The following FHL1 variants were observed in gnomAD, a reference collection of about 807,000 sequenced individuals.
FHL1 encodes the protein four and a half LIM domains protein 1.
FHL1 carries 1 observed loss-of-function variant against 20.3 expected under a neutral mutation model. The observed-to-expected ratio is 0.05, with a 90% confidence interval of 0.02 to 0.23. The LOEUF (loss-of-function observed/expected upper bound fraction) is 0.23. Ranked by LOEUF, FHL1 falls within the 10% of genes least tolerant of loss-of-function variation. FHL1 has a pLI of 1.00. For synonymous variants in FHL1, 82 were observed against 88.9 expected (o/e 0.92, Z 0.44); for missense variants, 177 against 234.0 (o/e 0.76, Z 1.59).
At chrX:136,208,755 C>A (rs1216478131) in intron 5 of FHL1, 114 bp downstream of exon 5, 10 of 759,008 alleles carry the variant, frequency 1.3e-5, no homozygotes, top group Admixed American at 4.6e-5. Flanking sequence ...ATGCCCTTCT[C>A]CCCCTGCTAT....
In FHL1 at chrX:136,207,080, C is replaced by G. The variant is rs1316132670; in HGVS notation, c.269C>G (p.Pro90Arg). Reference protein sequence around the residue: ...TCFRCAKCLHPLANETFVAKD... With the variant: ...TCFRCAKCLHRLANETFVAKD... The stretch of plus-strand genomic sequence containing the variant: ...TTCCGCTGTGCCAAGTGCCTTCACC[C>G]CTTGGCCAATGAGACCTTTGTGGCC... The change falls in exon 3 of 6, where the codon CCC becomes CGC. Residue 90 changes from proline to arginine, a missense_variant. Transcript: ENST00000370683. 8 of 1,211,704 alleles carry G rather than the reference C, an allele frequency of 6.6e-6. No homozygotes were observed. Among genetic ancestry groups the G allele is most frequent in the Non-Finnish European group, 8.9e-6 (8 of 895,400 alleles).
intron 4 of FHL1, 77 bp from the exon 5 acceptor site, chrX:136,208,378 C>G (rs774122033): frequency 1.6e-4 from 175 of 1,077,208 alleles, no homozygotes; most frequent in Non-Finnish European, 2.0e-4. Context: ...AAGCGCCCAG[C>G]ACAGTGCCTG....
intron 1 of FHL1, among the ~76,000 whole-genome samples, chrX:136,205,368 ATTTT>A (rs1490554554): frequency 3.6e-5 from 4 of 111,590 alleles, no homozygotes; most frequent in Non-Finnish European, 7.5e-5. Flanking sequence ...TCCAGACTCT[ATTTT>A]AAGATTATAA....
At chrX:136,171,701 C>T (rs764067461) in intron 2 of FHL1, among the ~76,000 whole-genome samples, 8 of 111,612 alleles carry the variant, frequency 7.2e-5, no homozygotes, top group African/African-American at 2.3e-4. Context: ...ACATTTAAAT[C>T]GAAGTTTTTC....
At chrX:136,161,788 G>A (rs746343446) in intron 1 of FHL1, among the ~76,000 whole-genome samples, 9 of 111,851 alleles carry the variant, frequency 8.0e-5, no homozygotes, top group Non-Finnish European at 1.5e-4. Flanking sequence ...AAGGCACTTG[G>A]CTAGGTTTGC....
At chrX:136,157,039 G>A (rs779660354) in intron 1 of FHL1, among the ~76,000 whole-genome samples, 26 of 110,042 alleles carry the variant, frequency 2.4e-4, no homozygotes, top group African/African-American at 6.9e-4. Context: ...GCAAATTATC[G>A]GTCCAAAAAT....
chrX:136,147,572 G>C (rs1387868937), exon 1 of FHL1: 1 of 109,041 alleles, frequency 9.2e-6, no homozygotes, highest in Non-Finnish European at 1.9e-5. Flanking sequence ...CCTCGGCCTC[G>C]GTGCAGGCAG....
chrX:136,183,112 AAAAC>A (rs1157402537), intron 2 of FHL1, among the ~76,000 whole-genome samples: 2 of 97,954 alleles, frequency 2.0e-5, no homozygotes, highest in East Asian at 6.0e-4. Flanking sequence ...AAAAAAACAA[AAAAC>A]AAACAAACAA....
At chrX:136,165,985 G>C (rs2072698359), upstream of FHL1, among the ~76,000 whole-genome samples, 1 of 112,125 alleles carries the variant, frequency 8.9e-6, no homozygotes, top group African/African-American at 3.2e-5. Context: ...TAAAGTGTTT[G>C]AGCTTTATTT....
chrX:136,157,961 A>T (rs1157929111), intron 1 of FHL1, among the ~76,000 whole-genome samples: 1 of 112,094 alleles, frequency 8.9e-6, no homozygotes, highest in Non-Finnish European at 1.9e-5. Flanking sequence ...GAGGTGTTAA[A>T]TCCCTCAAGA....
At position 136,206,605 on chromosome X, in the gene FHL1, T is replaced by C. The variant is rs1213672831; in HGVS notation, c.204+17T>C. 3.3e-6 allele frequency: 4 copies of C among 1,211,845 alleles called. No homozygotes were observed. In the Admixed American group the frequency reaches 6.5e-5, roughly 20 times the overall value. ...GACTCCAAGGTAACGGGCATCCCCA[T>C]GTGCCAATGGGAAGGGCTGGGTTTT... On this transcript the variant is annotated intron_variant, in intron 2 of 5. Coordinates refer to ENST00000370683, the MANE Select transcript of FHL1 (RefSeq NM_001159699.2).
chrX:136,152,719 C>CAAA (rs768022110), intron 1 of FHL1, among the ~76,000 whole-genome samples: 35 of 52,467 alleles, frequency 6.7e-4, no homozygotes, highest in Non-Finnish European at 7.6e-4. Context: ...GACTCCATCT[C>CAAA]AAAAAAAAAA....
rs2074004993 is a variant in FHL1, at chrX:136,211,206, A to G, written c.*1181A>G. 1 of 361,794 alleles carries G rather than the reference A, an allele frequency of 2.8e-6. No homozygotes were observed. Among genetic ancestry groups the G allele is most frequent in the Non-Finnish European group, 5.3e-6 (1 of 189,905 alleles). 29.8% of individuals were successfully genotyped at this position (361,794 alleles called of 1,213,427 possible). On this transcript the variant is annotated 3_prime_UTR_variant, in exon 6 of 6. Transcript: ENST00000370683. ...ATATGACATAGTATAATGAGACAAT[A>G]TCAAAAGTAAACATGTAATGACAAT...
upstream of FHL1, among the ~76,000 whole-genome samples, chrX:136,195,658 TC>T (rs759509512): frequency 5.3e-5 from 6 of 112,449 alleles, no homozygotes; most frequent in Non-Finnish European, 9.4e-5. Context: ...GAATAACTTT[TC>T]CTTAAACATT....
intron 1 of FHL1, among the ~76,000 whole-genome samples, chrX:136,164,210 T>TG (rs2072649714): frequency 2.0e-5 from 1 of 51,147 alleles, no homozygotes; most frequent in Non-Finnish European, 5.3e-5. Flanking sequence ...TAGTGTACTC[T>TG]ATTTTTTTTT....
chrX:136,200,451 C>T (rs911190144), intron 1 of FHL1, among the ~76,000 whole-genome samples: 2 of 111,733 alleles, frequency 1.8e-5, no homozygotes, highest in African/African-American at 6.5e-5. Context: ...GAAAGAAGTC[C>T]TTACAGAAAG....
intron 2 of FHL1, among the ~76,000 whole-genome samples, chrX:136,178,566 A>G (rs1228172199): frequency 9.4e-6 from 1 of 106,025 alleles, no homozygotes; most frequent in Non-Finnish European, 2.0e-5. Flanking sequence ...ACTACACTCC[A>G]ACCTGGGTGA....
upstream of FHL1, chrX:136,196,997 AT>A: frequency 9.6e-7 from 1 of 1,041,146 alleles, no homozygotes; most frequent in Non-Finnish European, 1.3e-6. Flanking sequence ...GCTCTCGGTT[AT>A]TTTTGTGTTA....
At chrX:136,185,465 A>G (rs1420304946) in intron 2 of FHL1, among the ~76,000 whole-genome samples, 2 of 112,297 alleles carry the variant, frequency 1.8e-5, no homozygotes, top group African/African-American at 3.2e-5. Flanking sequence ...AAGCTGCTTT[A>G]TAAACATCAG....
Sources: allele counts gnomAD v4.1 joint callset (sites outside exome capture counted in the v4.1 genomes callset), GRCh38; gene constraint gnomAD v4.1.1; transcripts MANE v1.5; gene names NCBI Gene and HGNC (gene_info 2026-07-23, HGNC 2026-07-21).